TAFA5: variants seen among roughly 807,000 people sequenced by gnomAD.
The protein encoded by TAFA5 is chemokine-like protein TAFA-5.
TAFA5 carries 6 observed loss-of-function variants against 15.3 expected under a neutral mutation model. The observed-to-expected ratio is 0.39, with a 90% CI of 0.21 to 0.77. The LOEUF (loss-of-function observed/expected upper bound fraction) is 0.77, where lower values mean the gene tolerates loss of function less well. Ranked by LOEUF, TAFA5 falls within the 30% of genes least tolerant of loss-of-function variation. TAFA5 has a pLI of 0.41. For synonymous variants in TAFA5, 103 were observed against 80.7 expected, an observed-to-expected ratio of 1.28 and a Z score of -1.48; for missense variants, 161 against 193.1, an observed-to-expected ratio of 0.83 and a Z score of 0.98.
In TAFA5 at chr22:48,727,340, G is replaced by T. The variant is rs1028753420; in HGVS notation, c.390+19496G>T. Among the ~76,000 whole-genome samples, 3 of 152,204 alleles carry T rather than the reference G, an allele frequency of 2.0e-5. No homozygotes were observed. In the South Asian group the frequency reaches 6.2e-4, roughly 31 times the overall value. ...CTAGTAAAACTAACAGAGGCTGTGG[G>T]GAGCAGGCAGTGGCAGGCTGGAGTC... On this transcript the variant is annotated intron_variant, in intron 3 of 3. Transcript: ENST00000402357.
intron 3 of TAFA5, among the ~76,000 whole-genome samples, chr22:48,716,809 G>A (rs1484318514): frequency 6.6e-6 from 1 of 151,506 alleles, no homozygotes; most frequent in African/African-American, 2.4e-5. Flanking sequence ...ATGCCTGTGT[G>A]TGTGTAGCAG....
intron 1 of TAFA5, chr22:48,576,434 C>G (rs371861843): frequency 3.1e-5 from 41 of 1,339,532 alleles, no homozygotes; most frequent in Non-Finnish European, 3.6e-5. Flanking sequence ...GGCGCCTGGA[C>G]CTTCGCTGCG....
intron 2 of TAFA5, among the ~76,000 whole-genome samples, chr22:48,653,402 AGGTG>A (rs1927125271): frequency 2.6e-5 from 4 of 152,236 alleles, no homozygotes; most frequent in African/African-American, 9.6e-5. Flanking sequence ...CAGGCCCAGC[AGGTG>A]GGCAGGGCAG....
intron 1 of TAFA5, among the ~76,000 whole-genome samples, chr22:48,568,019 T>C (rs1354345539): frequency 6.6e-6 from 1 of 152,180 alleles, no homozygotes; most frequent in Non-Finnish European, 1.5e-5. Flanking sequence ...TTCAGTCCCA[T>C]CTAGGGGACA....
chr22:48,607,113 C>T (rs999775973), intron 1 of TAFA5, among the ~76,000 whole-genome samples: 8 of 152,374 alleles, frequency 5.3e-5, no homozygotes, highest in East Asian at 1.9e-4. Flanking sequence ...AGGCAGGGCC[C>T]GGTCCCGTTA....
intron 1 of TAFA5, among the ~76,000 whole-genome samples, chr22:48,596,715 C>T (rs528791058): frequency 1.3e-4 from 20 of 150,222 alleles, no homozygotes; most frequent in Non-Finnish European, 2.8e-4. Flanking sequence ...GGGTTTGGAC[C>T]CACGTATCGT....
intron 1 of TAFA5, among the ~76,000 whole-genome samples, chr22:48,510,072 C>T (rs907376785): frequency 6.6e-6 from 1 of 152,058 alleles, no homozygotes; most frequent in South Asian, 2.1e-4. Context: ...ATGGAATACC[C>T]GAAACTATGA....
chr22:48,640,400 G>A (rs896285956), intron 1 of TAFA5, among the ~76,000 whole-genome samples: 1 of 152,212 alleles, frequency 6.6e-6, no homozygotes, highest in Non-Finnish European at 1.5e-5. Context: ...CCTCCAGCCT[G>A]TGCGCCCAGT....
chr22:48,539,219 G>T, intron 1 of TAFA5: 1 of 346,392 alleles, frequency 2.9e-6, no homozygotes, highest in Admixed American at 3.8e-5. Context: ...GAGGATGCTG[G>T]CTGTATGGAA....
intron 1 of TAFA5, among the ~76,000 whole-genome samples, chr22:48,505,575 C>T (rs1280919833): frequency 6.6e-6 from 1 of 152,240 alleles, no homozygotes; most frequent in Admixed American, 6.5e-5. Context: ...GCATGGCCAG[C>T]GGGGCACTGC....
At chr22:48,542,243 C>CGG (rs1458423911) in intron 1 of TAFA5, among the ~76,000 whole-genome samples, 1 of 95,284 alleles carries the variant, frequency 1.0e-5, no homozygotes, top group African/African-American at 4.5e-5. Context: ...TGTGTGTGTG[C>CGG]ATATGTGTGT....
intron 1 of TAFA5, among the ~76,000 whole-genome samples, chr22:48,594,328 G>C (rs1924683080): frequency 6.6e-6 from 1 of 152,194 alleles, no homozygotes; most frequent in African/African-American, 2.4e-5. Context: ...GGACCAGTGG[G>C]ACGTTCTGGG....
chr22:48,555,402 G>A (rs752754712), intron 1 of TAFA5, among the ~76,000 whole-genome samples: 10 of 152,216 alleles, frequency 6.6e-5, no homozygotes, highest in Admixed American at 5.9e-4. Flanking sequence ...GTCCTGCGAG[G>A]GATTTCCGGG....
intron 1 of TAFA5, among the ~76,000 whole-genome samples, chr22:48,615,707 C>A (rs1028749362): frequency 6.6e-6 from 1 of 152,220 alleles, no homozygotes; most frequent in African/African-American, 2.4e-5. Flanking sequence ...CCCCATCCCC[C>A]CCTCTCCAGG....
intron 1 of TAFA5, among the ~76,000 whole-genome samples, chr22:48,589,276 A>G (rs965191694): frequency 6.6e-5 from 10 of 152,196 alleles, no homozygotes; most frequent in Non-Finnish European, 1.3e-4. Flanking sequence ...GGGGTTTGGT[A>G]GGTCTCATGG....
At chr22:48,725,037 C>T (rs906340783) in intron 3 of TAFA5, among the ~76,000 whole-genome samples, 17 of 152,260 alleles carry the variant, frequency 1.1e-4, no homozygotes, top group African/African-American at 4.1e-4. Context: ...GAGCAGAAAA[C>T]TCTGCAGCTT....
intron 1 of TAFA5, among the ~76,000 whole-genome samples, chr22:48,491,952 G>T (rs1928167635): frequency 1.3e-5 from 2 of 152,136 alleles, no homozygotes; most frequent in Admixed American, 6.5e-5. Flanking sequence ...CAGAAGCTTG[G>T]GTGAAGCACA....
In TAFA5 at chr22:48,503,213, A is replaced by G. The variant is rs77322485; in HGVS notation, c.112+13509A>G. Among the ~76,000 whole-genome samples, 961 of 152,280 alleles carry G rather than the reference A, an allele frequency of 6.3e-3. 9 individuals are homozygous for G. Among genetic ancestry groups the G allele is most frequent in the African/African-American group, 0.022 (931 of 41,554 alleles). On this transcript the variant is annotated intron_variant, in intron 1 of 3. Transcript: ENST00000402357. Reference sequence around the variant, plus strand: ...CTGGAGAAGGCAGGGGCTTCCAGAGAGAAGAGTTCTTGCTGCCCCTGGGAA... The same window carrying G: ...CTGGAGAAGGCAGGGGCTTCCAGAGGGAAGAGTTCTTGCTGCCCCTGGGAA...
rs575875565 is a variant in TAFA5 at position 48,745,543 on chromosome 22, C to T, written c.391-4296C>T. 2.6e-5 allele frequency among the ~76,000 whole-genome samples: 4 copies of T among 152,360 alleles called. No homozygotes were observed. In the East Asian group the frequency reaches 5.8e-4, roughly 22 times the overall value. ...CACGGCTTTGTCGTCGGCAGCTGGC[C>T]TGTCCGGGGTTCACCCTGAGCACAC... On this transcript the variant is annotated intron_variant, in intron 3 of 3. Transcript: ENST00000402357.
Sources: allele counts gnomAD v4.1 joint callset (sites outside exome capture counted in the v4.1 genomes callset), GRCh38; gene constraint gnomAD v4.1.1; transcripts MANE v1.5; gene names NCBI Gene and HGNC (gene_info 2026-07-23, HGNC 2026-07-21).